Variants in FRMPD4 observed in about 807,000 individuals in gnomAD.
The protein encoded by FRMPD4 is FERM and PDZ domain containing 4.
FRMPD4 carries 22 observed loss-of-function variants against 94.1 expected under a neutral mutation model. The observed-to-expected ratio is 0.23, with a 90% confidence interval of 0.17 to 0.33. The LOEUF is 0.33. Among genes scored for constraint, FRMPD4 ranks in the 10% least tolerant of loss-of-function variants. FRMPD4 has a pLI of 1.00. For synonymous variants in FRMPD4, 631 were observed against 548.6 expected (o/e 1.15, Z -2.10); for missense variants, 1,111 against 1,339.9 (o/e 0.83, Z 2.67).
At chrX:12,453,682 C>T (rs1303868735) in intron 1 of FRMPD4, among the ~76,000 whole-genome samples, 6 of 111,472 alleles carry the variant, frequency 5.4e-5, no homozygotes, top group African/African-American at 2.0e-4. Context: ...TCATTTATAA[C>T]CATCACGTAT....
rs768283034 is a variant in FRMPD4, at chrX:12,709,818, A to AT, written c.1471-573dup. 5.4e-5 allele frequency among the ~76,000 whole-genome samples: 6 copies of AT among 110,848 alleles called. No homozygotes were observed. The East Asian group carries it at 1.4e-3, about 26-fold the overall frequency. ...AATTATTTGGGAAGAAGACAATCTC[A>AT]TTTTTTTTCATTTCAATATGACTGG... On this transcript the variant is annotated intron_variant, in intron 13 of 16. Coordinates refer to ENST00000675598, the MANE Select transcript of FRMPD4 (RefSeq NM_001368397.1).
chrX:12,632,259 C>A (rs1427863017), intron 4 of FRMPD4, among the ~76,000 whole-genome samples: 2 of 111,470 alleles, frequency 1.8e-5, no homozygotes, highest in Non-Finnish European at 3.8e-5. Context: ...GATTTCCCAA[C>A]TTGAACCTGT....
chrX:12,343,611 G>A (rs2055652720), intron 1 of FRMPD4, among the ~76,000 whole-genome samples: 1 of 111,960 alleles, frequency 8.9e-6, no homozygotes, highest in Non-Finnish European at 1.9e-5. Context: ...GAGATTACTA[G>A]GAGCATATTC....
At chrX:11,950,268 C>T (rs773933756) in intron 3 of FRMPD4, among the ~76,000 whole-genome samples, 2 of 112,166 alleles carry the variant, frequency 1.8e-5, no homozygotes, top group Admixed American at 9.4e-5. Flanking sequence ...CCTGAGGCCT[C>T]CCCAGCAATG....
chrX:12,357,214 A>C (rs1370275055), intron 1 of FRMPD4, among the ~76,000 whole-genome samples: 1 of 112,132 alleles, frequency 8.9e-6, no homozygotes, highest in Admixed American at 9.5e-5. Flanking sequence ...ACTGTATGTC[A>C]TTGGCACAAA....
At chrX:12,152,819 A>AT (rs11463247) in intron 1 of FRMPD4, among the ~76,000 whole-genome samples, 7,974 of 107,401 alleles carry the variant, frequency 0.074, 919 homozygotes, top group East Asian at 0.63. Flanking sequence ...TTCTGAAGCA[A>AT]TTTTTTTTTT....
intron 1 of FRMPD4, among the ~76,000 whole-genome samples, chrX:12,427,973 G>A (rs1431001009): frequency 5.7e-4 from 47 of 82,938 alleles, no homozygotes; most frequent in African/African-American, 2.2e-3. Flanking sequence ...GCAGTGGCGC[G>A]ATCTCGGCTC....
At chrX:11,918,586 G>C (rs762224176) in intron 3 of FRMPD4, among the ~76,000 whole-genome samples, 1 of 112,064 alleles carries the variant, frequency 8.9e-6, no homozygotes, top group African/African-American at 3.2e-5. Context: ...CCTGGGCAAC[G>C]AGCAAAATTC....
chrX:12,605,715 C>G (rs1224429966), intron 2 of FRMPD4, among the ~76,000 whole-genome samples: 1 of 110,944 alleles, frequency 9.0e-6, no homozygotes, highest in East Asian at 2.8e-4. Flanking sequence ...TGCCTCAGGA[C>G]CTTTGTGCTT....
intron 1 of FRMPD4, among the ~76,000 whole-genome samples, chrX:12,162,225 C>T (rs1197218655): frequency 1.8e-5 from 2 of 111,959 alleles, no homozygotes; most frequent in Non-Finnish European, 3.8e-5. Flanking sequence ...GTATAATTAA[C>T]TCTAGGGTGG....
chrX:12,566,252 C>T (rs2058711037), intron 2 of FRMPD4, among the ~76,000 whole-genome samples: 1 of 111,332 alleles, frequency 9.0e-6, no homozygotes, highest in Non-Finnish European at 1.9e-5. Flanking sequence ...GGAAAAAGAA[C>T]TGTGACAGGC....
chrX:12,321,066 C>T (rs897156479), intron 1 of FRMPD4, among the ~76,000 whole-genome samples: 10 of 111,929 alleles, frequency 8.9e-5, no homozygotes, highest in Non-Finnish European at 1.9e-4. Context: ...GAAAATATTC[C>T]ATAATCATGG....
chrX:11,898,072 G>A (rs181576407), intron 3 of FRMPD4, among the ~76,000 whole-genome samples: 3 of 111,639 alleles, frequency 2.7e-5, no homozygotes, highest in African/African-American at 9.8e-5. Flanking sequence ...TCATGTAGGA[G>A]CAGTTCAAGG....
At chrX:12,023,463 C>G (rs1219730417) in intron 3 of FRMPD4, among the ~76,000 whole-genome samples, 1 of 111,598 alleles carries the variant, frequency 9.0e-6, no homozygotes, top group Non-Finnish European at 1.9e-5. Flanking sequence ...AATTTCCAAC[C>G]CTTCCCCATA....
intron 1 of FRMPD4, among the ~76,000 whole-genome samples, chrX:12,413,860 C>T (rs1242734015): frequency 8.9e-6 from 1 of 112,030 alleles, no homozygotes; most frequent in African/African-American, 3.2e-5. Flanking sequence ...GATGTTCAGC[C>T]CTTCCAGCCA....
intron 3 of FRMPD4, among the ~76,000 whole-genome samples, chrX:11,918,151 G>A (rs1288482557): frequency 8.9e-6 from 1 of 112,687 alleles, no homozygotes; most frequent in Non-Finnish European, 1.9e-5. Context: ...ATGGAAAAAG[G>A]ATTATGTGTG....
intron 1 of FRMPD4, among the ~76,000 whole-genome samples, chrX:12,387,935 C>T (rs1218273373): frequency 9.5e-6 from 1 of 104,946 alleles, no homozygotes; most frequent in Non-Finnish European, 1.9e-5. Flanking sequence ...TGTGGCAGCT[C>T]TTCCTTTGCT....
intron 3 of FRMPD4, among the ~76,000 whole-genome samples, chrX:11,888,353 T>C (rs1415619096): frequency 8.9e-6 from 1 of 112,139 alleles, no homozygotes; most frequent in Non-Finnish European, 1.9e-5. Flanking sequence ...ACTCTGAAAT[T>C]CTATTCATAT....
At chrX:11,855,576 CA>C in intron 1 of FRMPD4, among the ~76,000 whole-genome samples, 1 of 112,218 alleles carries the variant, frequency 8.9e-6, no homozygotes, top group Non-Finnish European at 1.9e-5. Context: ...ATCTCTAGGG[CA>C]GGGGCAAAAT....
Sources: allele counts gnomAD v4.1 joint callset (sites outside exome capture counted in the v4.1 genomes callset), GRCh38; gene constraint gnomAD v4.1.1; transcripts MANE v1.5; gene names NCBI Gene and HGNC (gene_info 2026-07-23, HGNC 2026-07-21).